The following NBEA variants were observed in gnomAD, a reference collection of about 807,000 sequenced individuals.
The protein encoded by NBEA is neurobeachin.
A neutral mutation model predicts 343.4 loss-of-function variants in NBEA; 44 were observed. The ratio of observed to expected loss-of-function variants is 0.13; its 90% CI spans 0.10 to 0.16. The LOEUF (loss-of-function observed/expected upper bound fraction) is 0.16, where lower values mean the gene tolerates loss of function less well. Among genes scored for constraint, NBEA ranks in the 10% least tolerant of loss-of-function variants. The probability of loss-of-function intolerance (pLI) is 1.00; values close to 1 mark genes in which losing one functional copy is unlikely to be tolerated. For synonymous variants in NBEA, 1,175 were observed against 1,238.7 expected, an observed-to-expected ratio of 0.95 and a Z score of 1.08; for missense variants, 2,555 against 3,631.3, an observed-to-expected ratio of 0.70 and a Z score of 7.62.
intron 58 of NBEA, among the ~76,000 whole-genome samples, 182 bp downstream of exon 58, chr13:35,668,701 A>T (rs2085469318): frequency 6.6e-6 from 1 of 152,182 alleles, no homozygotes; most frequent in Admixed American, 6.5e-5. Flanking sequence ...ACAGAGGAAG[A>T]GAATAAGAAG....
chr13:35,524,007 T>C lies in NBEA; in HGVS notation c.6586-26470T>C, dbSNP rs140249058. Among the ~76,000 whole-genome samples the C allele has an allele frequency of 7.9e-5, 12 of 152,356 alleles. No individual in the cohort carries two copies. In the East Asian group the frequency reaches 2.1e-3, roughly 27 times the overall value. On this transcript the variant is annotated intron_variant, in intron 41 of 58. Transcript: ENST00000379939. ...TTTCTATTTTCATCACATTTCATGG[T>C]AATGTTTTAAATATTCACCATTTCC...
intron 41 of NBEA, among the ~76,000 whole-genome samples, chr13:35,499,944 A>G (rs2076822173): frequency 6.6e-6 from 1 of 152,094 alleles, no homozygotes; most frequent in Non-Finnish European, 1.5e-5. Context: ...TAGTCATTTT[A>G]AAATCATTAA....
intron 10 of NBEA, among the ~76,000 whole-genome samples, chr13:35,097,555 A>G (rs181290344): frequency 3.9e-5 from 6 of 152,184 alleles, no homozygotes; most frequent in Admixed American, 3.3e-4. Flanking sequence ...CATTATATGT[A>G]ACTGTGAAGT....
chr13:35,633,819 A>T (rs1385064607), intron 49 of NBEA, among the ~76,000 whole-genome samples: 3 of 152,156 alleles, frequency 2.0e-5, no homozygotes, highest in African/African-American at 7.2e-5. Flanking sequence ...ATGACACCAA[A>T]ACTATCAATT....
chr13:35,049,174 G>A (rs2062975069), intron 5 of NBEA, among the ~76,000 whole-genome samples: 1 of 151,868 alleles, frequency 6.6e-6, no homozygotes, highest in Non-Finnish European at 1.5e-5. Context: ...CTAACAATGT[G>A]TTGATCTGTA....
At chr13:35,393,766 G>A (rs2042614278) in intron 38 of NBEA, among the ~76,000 whole-genome samples, 1 of 152,078 alleles carries the variant, frequency 6.6e-6, no homozygotes, top group Non-Finnish European at 1.5e-5. Flanking sequence ...AAGGAAAGAA[G>A]TATGAAATAC....
At chr13:34,990,435 C>G (rs982808444) in intron 1 of NBEA, among the ~76,000 whole-genome samples, 15 of 151,168 alleles carry the variant, frequency 9.9e-5, no homozygotes, top group African/African-American at 3.1e-4. Context: ...CCAAAGTTTG[C>G]AGCTTGCACC....
At chr13:35,619,460 A>G (rs1469306869) in intron 48 of NBEA, among the ~76,000 whole-genome samples, 1 of 152,100 alleles carries the variant, frequency 6.6e-6, no homozygotes, top group African/African-American at 2.4e-5. Flanking sequence ...ACCGCTTGCA[A>G]AAAACCTGCT....
At chr13:34,989,711 A>G (rs1345398716) in intron 1 of NBEA, among the ~76,000 whole-genome samples, 1 of 150,792 alleles carries the variant, frequency 6.6e-6, no homozygotes, top group Non-Finnish European at 1.5e-5. Flanking sequence ...AAGCACAGTC[A>G]TGGCTTCCAA....
At chr13:35,460,878 G>A (rs970128047) in intron 40 of NBEA, among the ~76,000 whole-genome samples, 1 of 152,180 alleles carries the variant, frequency 6.6e-6, no homozygotes, top group African/African-American at 2.4e-5. Flanking sequence ...AAGGTCAAAG[G>A]GCTGCATGTG....
At chr13:35,475,404 G>GC in intron 41 of NBEA, 4 of 1,613,716 alleles carry the variant, frequency 2.5e-6, no homozygotes, top group Non-Finnish European at 3.4e-6. Context: ...TCTTTCTGCA[G>GC]CCCCCCATCT....
At chr13:35,084,051 T>C (rs532911257) in intron 10 of NBEA, among the ~76,000 whole-genome samples, 1 of 152,104 alleles carries the variant, frequency 6.6e-6, no homozygotes, top group Admixed American at 6.6e-5. Context: ...ATGCACCCAA[T>C]ACAGGAGCAC....
chr13:35,580,864 G>A (rs966481860), intron 45 of NBEA, among the ~76,000 whole-genome samples: 1 of 152,084 alleles, frequency 6.6e-6, no homozygotes, highest in Admixed American at 6.6e-5. Context: ...GTAAAACACT[G>A]CAATAACATG....
intron 39 of NBEA, among the ~76,000 whole-genome samples, chr13:35,440,085 G>T (rs2045653610): frequency 6.6e-6 from 1 of 152,146 alleles, no homozygotes; most frequent in African/African-American, 2.4e-5. Flanking sequence ...TCACCATGTT[G>T]GCCAGGCTGG....
intron 10 of NBEA, among the ~76,000 whole-genome samples, chr13:35,087,407 A>G (rs2064830534): frequency 6.6e-6 from 1 of 151,902 alleles, no homozygotes; most frequent in African/African-American, 2.4e-5. Context: ...CAGTCAGCAC[A>G]ACATTAAAAG....
At chr13:35,377,252 C>T (rs1245502224) in intron 38 of NBEA, among the ~76,000 whole-genome samples, 1 of 152,134 alleles carries the variant, frequency 6.6e-6, no homozygotes, top group Non-Finnish European at 1.5e-5. Flanking sequence ...CAAGGAGCAG[C>T]AGCAGCAATG....
intron 22 of NBEA, 97 bp downstream of exon 22, chr13:35,160,129 T>C: frequency 9.2e-7 from 1 of 1,091,614 alleles, no homozygotes. Flanking sequence ...ACTTCATGTT[T>C]ATATTGAATT....
At chr13:35,228,814 G>A (rs1205414210) in intron 33 of NBEA, among the ~76,000 whole-genome samples, 1 of 151,986 alleles carries the variant, frequency 6.6e-6, no homozygotes, top group Admixed American at 6.6e-5. Context: ...AATAGACTGG[G>A]GAGAATAGAA....
At chr13:35,030,888 T>C (rs896661160) in intron 1 of NBEA, among the ~76,000 whole-genome samples, 4 of 151,668 alleles carry the variant, frequency 2.6e-5, no homozygotes, top group Non-Finnish European at 5.9e-5. Flanking sequence ...ACACTCAGGC[T>C]TCACATAACA....
Sources: gnomAD v4.1 joint callset for allele counts (sites outside exome capture counted in the v4.1 genomes callset) on GRCh38, gnomAD v4.1.1 for gene constraint, MANE v1.5 for transcripts, NCBI Gene and HGNC (gene_info 2026-07-23, HGNC 2026-07-21) for gene names.